The following HECTD4 variants were observed in gnomAD, a reference collection of about 807,000 sequenced individuals.
HECTD4 encodes the protein HECT domain E3 ubiquitin protein ligase 4.
Under a neutral mutation model 471.5 loss-of-function variants are expected in HECTD4, and 114 were observed. The ratio of observed to expected loss-of-function variants is 0.24; its 90% CI spans 0.21 to 0.28. The LOEUF (loss-of-function observed/expected upper bound fraction) is 0.28. Ranked by LOEUF, HECTD4 falls within the 10% of genes least tolerant of loss-of-function variation. The pLI is 1.00. For synonymous variants in HECTD4, 2,012 were observed against 2,256.0 expected (o/e 0.89, Z 3.07); for missense variants, 3,866 against 5,651.5 (o/e 0.68, Z 10.13).
At position 112,243,438 on chromosome 12, in the gene HECTD4, G is replaced by A. The variant is rs747196497; in HGVS notation, c.4873C>T (p.Arg1625Trp). The change falls in exon 32 of 76, where the codon CGG (arginine) becomes TGG (tryptophan). Residue 1625 changes from arginine to tryptophan, a missense_variant. Transcript: ENST00000682272. This position sits in a 1 kb window ranked among gnomAD's most constrained non-coding sequence, Gnocchi z 6.6. ...CGTACGGCAGCTGTCAGCAATTCCCGCATGTGCACCAGTGCCTGCTTGCGA... is the reference window on the plus strand; with the variant it reads ...CGTACGGCAGCTGTCAGCAATTCCCACATGTGCACCAGTGCCTGCTTGCGA... ...NTRKQALVHM[R>W]ELLTAAVRVG... The A allele has an allele frequency of 1.6e-5, 26 of 1,610,950 alleles. No homozygotes were observed. The highest frequency in any genetic ancestry group is 1.6e-4 in the Middle Eastern group (1 of 6,084).
At chr12:112,249,619 C>T (rs1428351188) in intron 25 of HECTD4, 1 of 154,832 alleles carries the variant, frequency 6.5e-6, no homozygotes, top group East Asian at 1.9e-4. Flanking sequence ...GGAGGCAGAG[C>T]AGAGGCCTGC....
At position 112,382,217 on chromosome 12, in the gene HECTD4, C is replaced by T. The variant is rs2036909125; in HGVS notation, c.-89G>A. 1 of 1,097,760 alleles carries T rather than the reference C, an allele frequency of 9.1e-7. No individual in the cohort carries two copies. The highest frequency in any genetic ancestry group is 1.1e-6 in the Non-Finnish European group (1 of 873,190). 68.0% of individuals were successfully genotyped at this position (1,097,760 alleles called of 1,614,324 possible). ...CGCCGCGATCACCAGTCCATGGCAG[C>T]GGCCGCCGCGCCCGCCAGCGGCGCC... On this transcript the variant is annotated 5_prime_UTR_variant, in exon 1 of 76. Transcript: ENST00000682272.
chr12:112,167,346 T>G lies in HECTD4; in HGVS notation c.12505A>C (p.Thr4169Pro), dbSNP rs1302021667. ...TCAAACTTCTTGACGTAATTGTAGG[T>G]GAGGATATCCGCTTCCTGCAGGTCT... ...EQDLQEADIL[T>P]YNYVKKFESI... The change falls in exon 72 of 76, where the codon ACC (threonine) becomes CCC (proline). Residue 4169 changes from threonine to proline, a missense_variant. By Grantham distance (38) the Thr-to-Pro change is conservative. Transcript: ENST00000682272. 6.2e-7 allele frequency: 1 copy of G among 1,613,198 alleles called. No homozygotes were observed. The highest frequency in any genetic ancestry group is 8.5e-7 in the Non-Finnish European group (1 of 1,179,506).
In HECTD4 at chr12:112,382,087, G is replaced by GGCCGCCGCC. The variant is rs890653160; in HGVS notation, c.33_41dup (p.Ala13_Ala15dup). ...CCGAGAGCCACTGCGCCGAGTCAGCGGCCGCCGCCGCCGCCGCCGCCGCGG... is the reference window on the plus strand; with the variant it reads ...CCGAGAGCCACTGCGCCGAGTCAGCGGCCGCCGCCGCCGCCGCCGCCGCCGCCGCCGCGG... On this transcript the variant is annotated inframe_insertion, in exon 1 of 76. Transcript: ENST00000682272. The GGCCGCCGCC allele has an allele frequency of 2.0e-5, 24 of 1,225,402 alleles. No individual in the cohort carries two copies. Among genetic ancestry groups the GGCCGCCGCC allele is most frequent in the Middle Eastern group, 3.2e-4 (1 of 3,160 alleles). The allele number at this position is 1,225,402 out of a possible 1,614,324, so 75.9% of individuals were successfully genotyped here. A position where few individuals can be genotyped will look rare whatever the true frequency, so the allele number is the denominator to read the frequency against.
In HECTD4 at chr12:112,323,957, TCTTTCTTTCTTCCTTCCTTCCTTCCTTC is replaced by T. The variant is rs1253652844; in HGVS notation, c.178-4243_178-4216del. ...TTTTTTACTGAGGTGCTTCTTTCTT[TCTTTCTTTCTTCCTTCCTTCCTTCCTTC>T]CTTCCTTCCTTCCTTCCTTCCTTCC... On this transcript the variant is annotated intron_variant, in intron 1 of 75. Coordinates refer to ENST00000682272, the MANE Select transcript of HECTD4 (RefSeq NM_001388303.1). Among the ~76,000 whole-genome samples, 292 of 43,552 alleles carry T rather than the reference TCTTTCTTTCTTCCTTCCTTCCTTCCTTC, an allele frequency of 6.7e-3. 13 individuals are homozygous for T. Among genetic ancestry groups the T allele is most frequent in the South Asian group, 0.016 (12 of 746 alleles). 28.6% of individuals were successfully genotyped at this position (43,552 alleles called of 152,430 possible). A position where few individuals can be genotyped will look rare whatever the true frequency, so the allele number is the denominator to read the frequency against.
chr12:112,325,038 C>T (rs2035712985), intron 1 of HECTD4, among the ~76,000 whole-genome samples: 1 of 151,948 alleles, frequency 6.6e-6, no homozygotes, highest in Non-Finnish European at 1.5e-5. Flanking sequence ...TAAAACAGGG[C>T]TATTTATTTT....
chr12:112,242,737 C>T (rs1009875547), intron 32 of HECTD4, among the ~76,000 whole-genome samples: 6 of 151,094 alleles, frequency 4.0e-5, no homozygotes, highest in Admixed American at 6.6e-5. Context: ...ATGGTGAAAC[C>T]CCATCTCTAC....
intron 69 of HECTD4, 152 bp from the exon 70 acceptor site, chr12:112,169,810 C>T: frequency 1.2e-6 from 1 of 843,272 alleles, no homozygotes; most frequent in Non-Finnish European, 1.9e-6. Flanking sequence ...CCTCAGAACA[C>T]CTTAGAGCCT....
At chr12:112,174,617 T>C (rs1406185624) in intron 66 of HECTD4, among the ~76,000 whole-genome samples, 1 of 149,850 alleles carries the variant, frequency 6.7e-6, no homozygotes, top group Non-Finnish European at 1.5e-5. Context: ...CAGGCTGGAG[T>C]GCAGTGACAC....
At chr12:112,375,945 G>A (rs2036768282) in intron 1 of HECTD4, among the ~76,000 whole-genome samples, 1 of 151,330 alleles carries the variant, frequency 6.6e-6, no homozygotes, top group Admixed American at 6.6e-5. Context: ...CTGGGGTGAG[G>A]GTCGCTTGTA....
Position 112,235,662 on chromosome 12 carries a change from G to A in HECTD4, c.5567C>T (p.Ala1856Val), listed in dbSNP as rs1213197084. The change falls in exon 36 of 76, where the codon GCG becomes GTG. Residue 1856 changes from alanine (A) to valine (V), a missense_variant. Physicochemically the swap from Ala to Val is moderately conservative, Grantham distance 64. Transcript: ENST00000682272. The surrounding 1 kb of genome is among the most constrained non-coding windows in gnomAD (Gnocchi z 5.0). ...GTCTTCTACGCTCATCAGGGGCAGCGCCGCCCGGCACAGCTGGAGAATAAT... is the reference window on the plus strand; with the variant it reads ...GTCTTCTACGCTCATCAGGGGCAGCACCGCCCGGCACAGCTGGAGAATAAT... Reference protein sequence around the residue: ...VLIILQLCRAALPLMSVEDCG... With the variant: ...VLIILQLCRAVLPLMSVEDCG... 6.2e-7 allele frequency: 1 copy of A among 1,614,012 alleles called. No homozygotes were observed. Among genetic ancestry groups the A allele is most frequent in the Admixed American group, 1.7e-5 (1 of 60,026 alleles).
At chr12:112,355,713 G>A (rs1459612298) in intron 1 of HECTD4, among the ~76,000 whole-genome samples, 1 of 152,142 alleles carries the variant, frequency 6.6e-6, no homozygotes, top group East Asian at 1.9e-4. Flanking sequence ...GCAGTGAGCG[G>A]AGGTCGCACC....
At chr12:112,286,597 C>T (rs1278952852) in intron 7 of HECTD4, among the ~76,000 whole-genome samples, 2 of 152,070 alleles carry the variant, frequency 1.3e-5, no homozygotes, top group African/African-American at 4.8e-5. Context: ...GAGACTGAGG[C>T]GGGAGGATTG....
chr12:112,341,089 G>C (rs989214060), intron 1 of HECTD4, among the ~76,000 whole-genome samples: 1 of 152,014 alleles, frequency 6.6e-6, no homozygotes, highest in African/African-American at 2.4e-5. Flanking sequence ...TGTCTGTTTT[G>C]CTCACCAATG....
At chr12:112,164,779 G>A (rs1198746978) in intron 72 of HECTD4, among the ~76,000 whole-genome samples, 1 of 151,182 alleles carries the variant, frequency 6.6e-6, no homozygotes, top group Non-Finnish European at 1.5e-5. Flanking sequence ...CCACCACCAT[G>A]CCTGGTCAAT....
rs373781714 is a variant in HECTD4, at chr12:112,183,184, C to A, written c.10862G>T (p.Gly3621Val). 5 of 1,613,782 alleles carry A rather than the reference C, an allele frequency of 3.1e-6. No homozygotes were observed. In the African/African-American group the frequency reaches 6.7e-5, roughly 22 times the overall value. ...TGACATTTCCATCAATTCATCTTCACCATCCAAACTTGACAAACCAATCAA... is the reference window on the plus strand; with the variant it reads ...TGACATTTCCATCAATTCATCTTCAACATCCAAACTTGACAAACCAATCAA... The part of the protein sequence containing the change: ...NDLIGLSSLD[G>V]EDELMEMSTE... The change falls in exon 62 of 76, where the codon GGT (glycine) becomes GTT (valine). Residue 3621 changes from glycine (G) to valine (V), a missense_variant. This residue lies in a region of HECTD4 where 715 missense variants were observed against 1,087.6 expected (regional missense o/e 0.66). Transcript: ENST00000682272.
chr12:112,203,517 G>A lies in HECTD4; in HGVS notation c.8406+119C>T, dbSNP rs7956780. The stretch of plus-strand genomic sequence containing the variant: ...TAGAGCATTTTTGCTTTGTGTCTTC[G>A]TCCCTGATTTGAAGAGAAACTCATC... On this transcript the variant is annotated intron_variant, in intron 54 of 75. Transcript: ENST00000682272. 85 of 832,944 alleles carry A rather than the reference G, an allele frequency of 1.0e-4. No individual in the cohort carries two copies. In the Middle Eastern group the frequency reaches 1.5e-3, roughly 15 times the overall value. The allele number at this position is 832,944 out of a possible 1,614,324, so 51.6% of individuals were successfully genotyped here.
chr12:112,195,134 C>G lies in HECTD4; in HGVS notation c.8568-68G>C. ...TCCGGCCCCCATACCGGGACCAGGC[C>G]GCAGGTTCTGAAGGAAAAGGATCCT... On this transcript the variant is annotated intron_variant, in intron 55 of 75. Transcript: ENST00000682272. The G allele has an allele frequency of 3.6e-6, 5 of 1,400,846 alleles. No individual in the cohort carries two copies. The Admixed American group carries it at 6.3e-5, about 18-fold the overall frequency. The allele number at this position is 1,400,846 out of a possible 1,614,324, so 86.8% of individuals were successfully genotyped here. A position where few individuals can be genotyped will look rare whatever the true frequency, so the allele number is the denominator to read the frequency against.
At position 112,203,783 on chromosome 12, in the gene HECTD4, T is replaced by C. The variant is rs1490935528; in HGVS notation, c.8270-11A>G. The C allele has an allele frequency of 2.6e-6, 4 of 1,541,142 alleles. No individual in the cohort carries two copies. In the Admixed American group the frequency reaches 6.0e-5, roughly 23 times the overall value. On this transcript the variant is annotated splice_polypyrimidine_tract_variant and intron_variant, in intron 53 of 75. Transcript: ENST00000682272. ...TTACTACTGTGAGACCTGAGGAGTG[T>C]AGAGGGAGAAGTTTTTCAGGAAAAA...
Sources: allele counts gnomAD v4.1 joint callset (sites outside exome capture counted in the v4.1 genomes callset), GRCh38; gene constraint gnomAD v4.1.1; regional missense constraint gnomAD v4.1.1; non-coding constraint Gnocchi (gnomAD v3.1); transcripts MANE v1.5; gene names NCBI Gene and HGNC (gene_info 2026-07-23, HGNC 2026-07-21).